The following TRIM16 variants were observed in gnomAD, a reference collection of about 807,000 sequenced individuals.
TRIM16 encodes the protein tripartite motif-containing protein 16.
A neutral mutation model predicts 50.4 loss-of-function variants in TRIM16; 33 were observed. The observed-to-expected ratio is 0.65, with a 90% confidence interval of 0.50 to 0.88. TRIM16 has a LOEUF of 0.88. Ranked by LOEUF, TRIM16 falls within the 40% of genes least tolerant of loss-of-function variation. The pLI is 0.00. For missense variants in TRIM16, 581 were observed against 686.8 expected (o/e 0.85, Z 1.72); for synonymous variants, 229 against 270.7 (o/e 0.85, Z 1.51).
intron 6 of TRIM16, 31 bp from the exon 7 acceptor site, chr17:15,651,977 T>A: frequency 7.8e-6 from 9 of 1,152,244 alleles, no homozygotes; most frequent in Non-Finnish European, 8.6e-6. Context: ...CTGAGCTCTG[T>A]TATAAGCCTG....
Position 15,651,532 on chromosome 17 carries a change from G to C in TRIM16, c.78C>G (p.Asp26Glu). 1 of 1,613,912 alleles carries C rather than the reference G, an allele frequency of 6.2e-7. No individual in the cohort carries two copies. Among genetic ancestry groups the C allele is most frequent in the Non-Finnish European group, 8.5e-7 (1 of 1,179,912 alleles). ...CAGAATCTGGGCTGGGTGACCCAGA[G>C]TCTGGGCTGAGAGGGGCTGGGGGCT... ...TAQPPAPLSP[D>E]SGSPSPDSGS... The change falls in exon 7 of 12, where the codon GAC becomes GAG. Residue 26 changes from aspartate (D) to glutamate (E), a missense_variant. Physicochemically the swap from Asp to Glu is conservative, Grantham distance 45. Coordinates refer to ENST00000649191, the MANE Select transcript of TRIM16 (RefSeq NM_001348119.1).
intron 6 of TRIM16, among the ~76,000 whole-genome samples, chr17:15,667,894 T>C (rs1412990173): frequency 6.6e-6 from 1 of 152,134 alleles, no homozygotes; most frequent in Non-Finnish European, 1.5e-5. Flanking sequence ...TTCTTTTTTT[T>C]TTTTCTAGTG....
chr17:15,663,818 G>A (rs1006861639), intron 6 of TRIM16, among the ~76,000 whole-genome samples: 4 of 152,130 alleles, frequency 2.6e-5, no homozygotes, highest in Admixed American at 2.6e-4. Context: ...TGTTCACTCC[G>A]CTTGCCCACC....
At chr17:15,638,258 TAAAAAAA>T (rs535590168) in intron 8 of TRIM16, among the ~76,000 whole-genome samples, 1 of 115,080 alleles carries the variant, frequency 8.7e-6, no homozygotes, top group Non-Finnish European at 1.8e-5. Flanking sequence ...AAAATAAATT[TAAAAAAA>T]AAAAAAAAAA....
intron 7 of TRIM16, 100 bp downstream of exon 7, chr17:15,650,991 G>C: frequency 6.7e-7 from 1 of 1,482,130 alleles, no homozygotes; most frequent in Non-Finnish European, 9.1e-7. Flanking sequence ...TATGCTCAGA[G>C]CATAGTAGTG....
At chr17:15,659,740 C>T (rs1215239011) in intron 6 of TRIM16, among the ~76,000 whole-genome samples, 1 of 152,220 alleles carries the variant, frequency 6.6e-6, no homozygotes, top group African/African-American at 2.4e-5. Flanking sequence ...GGCCGGCTCC[C>T]CTGAGGCCCT....
At chr17:15,673,194 A>T (rs1362266404) in intron 6 of TRIM16, among the ~76,000 whole-genome samples, 1 of 152,252 alleles carries the variant, frequency 6.6e-6, no homozygotes, top group African/African-American at 2.4e-5. Context: ...TCTTATTCTA[A>T]TGACAGACAC....
chr17:15,657,907 A>C (rs984154057), intron 6 of TRIM16, among the ~76,000 whole-genome samples: 2 of 152,248 alleles, frequency 1.3e-5, no homozygotes, highest in Admixed American at 6.5e-5. Context: ...AAAATGAAGT[A>C]TCTCTTGCAT....
chr17:15,680,565 A>C (rs146543796), intron 4 of TRIM16, among the ~76,000 whole-genome samples: 3,918 of 152,058 alleles, frequency 0.026, 172 homozygotes, highest in African/African-American at 0.091. Context: ...CCTCATTCCC[A>C]TCCTGCCCCT....
At chr17:15,642,604 C>T (rs1987166252) in intron 8 of TRIM16, 117 bp downstream of exon 8, 2 of 1,302,536 alleles carry the variant, frequency 1.5e-6, no homozygotes, top group Non-Finnish European at 2.1e-6. Flanking sequence ...GTGTAGTCAA[C>T]TGTACCTACA....
chr17:15,635,772 G>A (rs1195455516), intron 9 of TRIM16, among the ~76,000 whole-genome samples: 3 of 127,688 alleles, frequency 2.3e-5, no homozygotes, highest in Non-Finnish European at 4.9e-5. Context: ...TGCATATGTT[G>A]TTCCCTCTAC....
At position 15,647,277 on chromosome 17, in the gene TRIM16, A is replaced by G. The variant is rs1987437767; in HGVS notation, c.519+3814T>C. On this transcript the variant is annotated intron_variant, in intron 7 of 11. Coordinates refer to ENST00000649191, the MANE Select transcript of TRIM16 (RefSeq NM_001348119.1). Reference sequence around the variant, plus strand: ...GTGAGCCACCGCGCCCGGCCCAAGTAATTCCTTTCCCAAGTGGCCACATAC... The same window carrying G: ...GTGAGCCACCGCGCCCGGCCCAAGTGATTCCTTTCCCAAGTGGCCACATAC... Among the ~76,000 whole-genome samples, 3 of 152,170 alleles carry G rather than the reference A, an allele frequency of 2.0e-5. No homozygotes were observed. In the South Asian group the frequency reaches 6.2e-4, roughly 32 times the overall value.
intron 1 of TRIM16, 81 bp from the exon 2 acceptor site, chr17:15,683,238 C>T (rs1989254125): frequency 1.8e-5 from 19 of 1,070,204 alleles, no homozygotes; most frequent in South Asian, 6.3e-5. Flanking sequence ...CTACTCAGAA[C>T]GCAGAGTCTG....
chr17:15,677,494 T>C lies in TRIM16; in HGVS notation c.-443+81A>G, dbSNP rs1988998642. 3.0e-6 allele frequency: 3 copies of C among 996,110 alleles called. No homozygotes were observed. The South Asian group carries it at 1.4e-4, about 45-fold the overall frequency. The allele number at this position is 996,110 out of a possible 1,614,324, so 61.7% of individuals were successfully genotyped here. ...ATAACCAAAGCCTCATTTGTTACCA[T>C]TCCCTAATAGAAGCAAGGGAATCTT... On this transcript the variant is annotated intron_variant, in intron 5 of 11. Transcript: ENST00000649191.
chr17:15,646,037 G>C (rs532366490), intron 7 of TRIM16, among the ~76,000 whole-genome samples: 2 of 152,146 alleles, frequency 1.3e-5, no homozygotes, highest in African/African-American at 2.4e-5. Context: ...CCTACAACAC[G>C]GCATCTAAAC....
At chr17:15,662,227 C>T (rs16964250) in intron 6 of TRIM16, among the ~76,000 whole-genome samples, 28,286 of 152,098 alleles carry the variant, frequency 0.19, 3,085 homozygotes, top group East Asian at 0.32. Flanking sequence ...TAAAACCGGC[C>T]TCTTTCCCCA....
chr17:15,677,393 A>T (rs577768397), intron 5 of TRIM16, 113 bp from the exon 6 acceptor site: 1 of 905,846 alleles, frequency 1.1e-6, no homozygotes, highest in African/African-American at 1.8e-5. Context: ...ACTAATTGTC[A>T]AAAGCAATTA....
At chr17:15,634,101 G>A (rs578146842) in intron 9 of TRIM16, among the ~76,000 whole-genome samples, 3 of 147,546 alleles carry the variant, frequency 2.0e-5, no homozygotes, top group Admixed American at 6.7e-5. Flanking sequence ...GGGCCGAGGC[G>A]GGTGGATCAC....
chr17:15,655,601 G>T (rs1987937828), intron 6 of TRIM16, among the ~76,000 whole-genome samples: 1 of 151,538 alleles, frequency 6.6e-6, no homozygotes, highest in Non-Finnish European at 1.5e-5. Flanking sequence ...TTGAGACGGA[G>T]TATCGCTCTG....
Sources: allele counts gnomAD v4.1 joint callset (sites outside exome capture counted in the v4.1 genomes callset), GRCh38; gene constraint gnomAD v4.1.1; transcripts MANE v1.5; gene names NCBI Gene and HGNC (gene_info 2026-07-23, HGNC 2026-07-21).